The following IKZF2 variants were observed in gnomAD, a reference collection of about 807,000 sequenced individuals.
The protein encoded by IKZF2 is IKAROS family zinc finger 2.
In IKZF2, 15 loss-of-function variants were observed where a neutral mutation model predicts 49.2. That is an observed-to-expected ratio of 0.30 (90% confidence interval 0.20 to 0.47). The LOEUF (loss-of-function observed/expected upper bound fraction) is 0.47. Ranked by LOEUF, IKZF2 falls within the 20% of genes least tolerant of loss-of-function variation. The pLI is 1.00. For missense variants in IKZF2, 567 were observed against 664.6 expected, an observed-to-expected ratio of 0.85 and a Z score of 1.61; for synonymous variants, 227 against 221.4, an observed-to-expected ratio of 1.03 and a Z score of -0.23.
chr2:213,015,777 G>GA (rs978884124), intron 7 of IKZF2, among the ~76,000 whole-genome samples: 23 of 148,770 alleles, frequency 1.5e-4, no homozygotes, highest in East Asian at 9.8e-4. Context: ...AATTTGGCAA[G>GA]AAAAAAAAAA....
chr2:213,126,049 C>A (rs918109729), intron 4 of IKZF2, among the ~76,000 whole-genome samples: 4 of 152,070 alleles, frequency 2.6e-5, no homozygotes, highest in African/African-American at 9.7e-5. Context: ...CTTTCTCTAC[C>A]GTTTTAACTT....
intron 6 of IKZF2, among the ~76,000 whole-genome samples, chr2:213,043,123 A>G (rs376247098): frequency 2.0e-5 from 3 of 152,008 alleles, no homozygotes; most frequent in African/African-American, 4.8e-5. Context: ...CTAGAGGACA[A>G]GAAGAGTTCC....
chr2:213,114,888 C>T (rs920277832), intron 4 of IKZF2, among the ~76,000 whole-genome samples: 2 of 149,484 alleles, frequency 1.3e-5, no homozygotes, highest in Non-Finnish European at 3.0e-5. Flanking sequence ...CAGATGGTGC[C>T]ACTGCACTCC....
intron 4 of IKZF2, chr2:213,098,011 T>C: frequency 3.9e-6 from 1 of 257,792 alleles, no homozygotes; most frequent in Non-Finnish European, 8.0e-6. Flanking sequence ...ACAGTTAACA[T>C]GAATTAATCA....
At chr2:213,109,318 T>A (rs999720995) in intron 4 of IKZF2, among the ~76,000 whole-genome samples, 2 of 152,058 alleles carry the variant, frequency 1.3e-5, no homozygotes, top group Admixed American at 1.3e-4. Flanking sequence ...TTACAGGTAG[T>A]GGCAAACTGT....
chr2:213,070,616 T>C (rs907553389), intron 4 of IKZF2, among the ~76,000 whole-genome samples: 20 of 152,266 alleles, frequency 1.3e-4, no homozygotes, highest in Admixed American at 1.2e-3. Flanking sequence ...CTGTTAAGTA[T>C]TGGATCTATA....
intron 4 of IKZF2, among the ~76,000 whole-genome samples, chr2:213,076,240 G>GA (rs555339756): frequency 1.9e-4 from 28 of 147,612 alleles, no homozygotes; most frequent in African/African-American, 6.7e-4. Flanking sequence ...TTTTCCACTA[G>GA]AAAAAAAAAT....
At chr2:213,147,657 T>C in intron 4 of IKZF2, 51 bp downstream of exon 4, 1 of 1,343,732 alleles carries the variant, frequency 7.4e-7, no homozygotes, top group Non-Finnish European at 1.1e-6. Flanking sequence ...TTAAAGTCTG[T>C]TGCTGGAGAG....
intron 4 of IKZF2, among the ~76,000 whole-genome samples, chr2:213,095,297 T>A (rs936817432): frequency 4.6e-5 from 7 of 152,112 alleles, no homozygotes; most frequent in Non-Finnish European, 1.0e-4. Flanking sequence ...TAAAATATAC[T>A]AAATAAATCA....
intron 4 of IKZF2, among the ~76,000 whole-genome samples, chr2:213,098,658 A>G (rs1378974097): frequency 1.3e-5 from 2 of 152,210 alleles, no homozygotes; most frequent in East Asian, 3.8e-4. Context: ...AAAAATGAAC[A>G]GACAGCAGGA....
At chr2:213,050,497 C>G (rs1348868303) in intron 5 of IKZF2, among the ~76,000 whole-genome samples, 3 of 152,140 alleles carry the variant, frequency 2.0e-5, no homozygotes, top group African/African-American at 7.2e-5. Context: ...AGCAAATGAA[C>G]CAGCTTACAA....
chr2:213,014,346 C>A (rs1282001534), intron 7 of IKZF2: 1 of 154,500 alleles, frequency 6.5e-6, no homozygotes, highest in Non-Finnish European at 1.4e-5. Flanking sequence ...AAAGCTTAAA[C>A]AGACATACAA....
intron 4 of IKZF2, among the ~76,000 whole-genome samples, chr2:213,074,497 T>C (rs1025262204): frequency 6.6e-6 from 1 of 152,218 alleles, no homozygotes; most frequent in Admixed American, 6.5e-5. Flanking sequence ...GTTGTATATG[T>C]GGTCTATCAT....
At chr2:213,128,717 C>T (rs1434296934) in intron 4 of IKZF2, among the ~76,000 whole-genome samples, 4 of 151,874 alleles carry the variant, frequency 2.6e-5, no homozygotes, top group African/African-American at 7.3e-5. Context: ...AACCTCCACC[C>T]GCCAAGTTCA....
intron 8 of IKZF2, among the ~76,000 whole-genome samples, chr2:213,011,069 T>C (rs997069729): frequency 3.7e-4 from 56 of 152,180 alleles, no homozygotes; most frequent in African/African-American, 1.3e-3. Flanking sequence ...CTGTGTAAGA[T>C]ACTGTCTTAA....
rs148306689 is a variant in IKZF2 at position 213,019,239 on chromosome 2, G to A, written c.712+2754C>T. 8.0e-3 allele frequency among the ~76,000 whole-genome samples: 1,219 copies of A among 152,228 alleles called. 10 individuals carry two copies. The highest frequency in any genetic ancestry group is 0.025 in the South Asian group (121 of 4,822). ...TATGTCAGATATTTTTTAAAAACAA[G>A]TAATAGTTAAATCATTTCATGGAGC... On this transcript the variant is annotated intron_variant, in intron 7 of 8. Coordinates refer to ENST00000434687, the MANE Select transcript of IKZF2 (RefSeq NM_001387220.1).
intron 4 of IKZF2, among the ~76,000 whole-genome samples, chr2:213,101,308 C>T (rs1329654366): frequency 6.6e-6 from 1 of 152,062 alleles, no homozygotes. Flanking sequence ...AGATGAGAGG[C>T]AGTCTCTAAC....
At chr2:213,021,800 T>A in intron 7 of IKZF2, 193 bp downstream of exon 7, 2 of 634,026 alleles carry the variant, frequency 3.2e-6, no homozygotes, top group Non-Finnish European at 5.5e-6. Context: ...ATTATGCTAA[T>A]TCAAACATTA....
chr2:213,148,564 C>A (rs1335644466), intron 3 of IKZF2, 32 bp downstream of exon 3: 4 of 1,534,270 alleles, frequency 2.6e-6, no homozygotes, highest in African/African-American at 2.7e-5. Context: ...AACTTTATTA[C>A]CAATAACAAA....
Sources: allele counts gnomAD v4.1 joint callset (sites outside exome capture counted in the v4.1 genomes callset), GRCh38; gene constraint gnomAD v4.1.1; transcripts MANE v1.5; gene names NCBI Gene and HGNC (gene_info 2026-07-23, HGNC 2026-07-21).